Variants in TOP1MT observed in about 807,000 individuals in gnomAD.
TOP1MT encodes DNA topoisomerase I, mitochondrial.
In TOP1MT, 80 loss-of-function variants were observed where a neutral mutation model predicts 73.9. That is an observed-to-expected ratio of 1.08 (90% CI 0.90 to 1.30). The LOEUF (loss-of-function observed/expected upper bound fraction) is 1.30. Ranked by LOEUF, TOP1MT falls within the 50% of genes most tolerant of loss-of-function variation. TOP1MT has a pLI of 0.00. For synonymous variants in TOP1MT, 338 were observed against 326.4 expected (o/e 1.04, Z -0.38); for missense variants, 815 against 808.0 (o/e 1.01, Z -0.10).
rs1586752883 is a variant in TOP1MT, at chr8:143,318,049, T to C, written c.1184A>G (p.Asp395Gly). The C allele has an allele frequency of 1.9e-6, 3 of 1,613,536 alleles. No individual in the cohort carries two copies. The highest frequency in any genetic ancestry group is 2.5e-6 in the Non-Finnish European group (3 of 1,179,864). The change falls in exon 9 of 14, where the codon GAC becomes GGC. Residue 395 changes from aspartate to glycine, a missense_variant. Physicochemically the swap from Asp to Gly is moderately conservative, Grantham distance 94. Coordinates refer to ENST00000329245, the MANE Select transcript of TOP1MT (RefSeq NM_052963.3). ...KNLQLFMENK[D>G]PRDDLFDRLT... The stretch of plus-strand genomic sequence containing the variant: ...CCTGTCGAAGAGGTCGTCCCGGGGG[T>C]CCTTGTTCTCCATAAAGAGCTGTAA...
intron 12 of TOP1MT, 58 bp from the exon 13 acceptor site, chr8:143,310,275 A>T: frequency 7.4e-7 from 1 of 1,345,934 alleles, no homozygotes; most frequent in Non-Finnish European, 9.8e-7. Context: ...ACCTGAGGAG[A>T]CCTGCACTTC....
chr8:143,338,215 G>A (rs1817015743), upstream of TOP1MT, among the ~76,000 whole-genome samples: 1 of 152,090 alleles, frequency 6.6e-6, no homozygotes, highest in Non-Finnish European at 1.5e-5. Context: ...AGACTGCAGT[G>A]AGCTATGATC....
upstream of TOP1MT, among the ~76,000 whole-genome samples, chr8:143,337,719 T>C (rs1262356219): frequency 2.6e-5 from 4 of 152,192 alleles, no homozygotes; most frequent in Non-Finnish European, 5.9e-5. Flanking sequence ...TCATATTGTC[T>C]TCTGCCTAAT....
chr8:143,322,661 C>T (rs1816503423), intron 7 of TOP1MT, among the ~76,000 whole-genome samples: 1 of 125,248 alleles, frequency 8.0e-6, no homozygotes, highest in Non-Finnish European at 1.6e-5. Context: ...ACACCACACA[C>T]GCACGCCACA....
chr8:143,334,551 TG>T (rs1024672529), intron 1 of TOP1MT, among the ~76,000 whole-genome samples, 188 bp downstream of exon 1: 1 of 152,050 alleles, frequency 6.6e-6, no homozygotes, highest in African/African-American at 2.4e-5. Flanking sequence ...GGCGACGTCA[TG>T]GGGGGGCCTG....
intron 12 of TOP1MT, among the ~76,000 whole-genome samples, chr8:143,311,562 A>G (rs1033420001): frequency 6.6e-6 from 1 of 152,126 alleles, no homozygotes; most frequent in Admixed American, 6.5e-5. Context: ...CCTGGCTAAC[A>G]TGGTGAAACT....
chr8:143,321,548 AC>A (rs1816364941), intron 7 of TOP1MT, among the ~76,000 whole-genome samples, 162 bp from the exon 8 acceptor site: 1 of 116,890 alleles, frequency 8.6e-6, no homozygotes, highest in Non-Finnish European at 1.9e-5. Context: ...CGCACGCCAC[AC>A]ACGCACGCCA....
At chr8:143,359,720 G>A (rs1481305777), upstream of TOP1MT, among the ~76,000 whole-genome samples, 1 of 152,126 alleles carries the variant, frequency 6.6e-6, no homozygotes, top group Non-Finnish European at 1.5e-5. Context: ...CGTCGTGCGC[G>A]GAGGGGGAGG....
At position 143,323,725 on chromosome 8, in the gene TOP1MT, CA is replaced by C. The variant is rs1816617529; in HGVS notation, c.960+273del. 1.5e-4 allele frequency among the ~76,000 whole-genome samples: 8 copies of C among 51,932 alleles called. 3 individuals are homozygous for C. The highest frequency in any genetic ancestry group is 6.8e-4 in the Admixed American group (2 of 2,946). 34.1% of individuals were successfully genotyped at this position (51,932 alleles called of 152,430 possible). A position where few individuals can be genotyped will look rare whatever the true frequency, so the allele number is the denominator to read the frequency against. On this transcript the variant is annotated intron_variant, in intron 7 of 13. Coordinates refer to ENST00000329245, the MANE Select transcript of TOP1MT (RefSeq NM_052963.3). ...AGGCACACCACACACATGCACGCCA[CA>C]CACACATGCACGCCACACACATGCA...
chr8:143,358,646 A>G (rs1306075885), upstream of TOP1MT: 2 of 152,392 alleles, frequency 1.3e-5, no homozygotes, highest in African/African-American at 4.8e-5. Flanking sequence ...CCCATCACCT[A>G]TCTGCAACTG....
At chr8:143,342,553 TATTA>T (rs1401579591) in intron 2 of TOP1MT, among the ~76,000 whole-genome samples, 1 of 136,962 alleles carries the variant, frequency 7.3e-6, no homozygotes, top group Non-Finnish European at 1.6e-5. Flanking sequence ...TTATTATTAT[TATTA>T]GAGACAGAGT....
Position 143,329,477 on chromosome 8 carries a change from G to A in TOP1MT, c.239-6C>T. 6.2e-7 allele frequency: 1 copy of A among 1,606,962 alleles called. No homozygotes were observed. On this transcript the variant is annotated splice_region_variant and splice_polypyrimidine_tract_variant and intron_variant, in intron 2 of 13. Coordinates refer to ENST00000329245, the MANE Select transcript of TOP1MT (RefSeq NM_052963.3). ...GCTCAATCTCACAGGCCTTCCTGCA[G>A]GCATCGGAAGACACATCGTATGAGA...
At chr8:143,356,447 C>T (rs1817408875), upstream of TOP1MT, among the ~76,000 whole-genome samples, 1 of 152,228 alleles carries the variant, frequency 6.6e-6, no homozygotes, top group Admixed American at 6.5e-5. Context: ...TTAAATTTAT[C>T]TAAGTAAATG....
In TOP1MT at chr8:143,332,390, G is replaced by A. The variant is rs1816881693; in HGVS notation, c.123-1051C>T. 1.6e-5 allele frequency: 15 copies of A among 939,870 alleles called. No homozygotes were observed. The South Asian group carries it at 2.0e-4, about 13-fold the overall frequency. The allele number at this position is 939,870 out of a possible 1,614,324, so 58.2% of individuals were successfully genotyped here. A position where few individuals can be genotyped will look rare whatever the true frequency, so the allele number is the denominator to read the frequency against. On this transcript the variant is annotated intron_variant, in intron 1 of 13. Transcript: ENST00000329245. ...CAGTGGGAGAGGCTTTGGCGAGAGGGTGGGAGCACCATCAGGATGGGGGAG... is the reference window on the plus strand; with the variant it reads ...CAGTGGGAGAGGCTTTGGCGAGAGGATGGGAGCACCATCAGGATGGGGGAG...
intron 7 of TOP1MT, among the ~76,000 whole-genome samples, chr8:143,321,745 C>CAT (rs1816392028): frequency 3.1e-5 from 4 of 130,622 alleles, no homozygotes; most frequent in African/African-American, 5.8e-5. Flanking sequence ...ACGCCACACA[C>CAT]GCACGCCACA....
At chr8:143,343,587 T>C (rs950587505) in intron 1 of TOP1MT, 7 of 259,676 alleles carry the variant, frequency 2.7e-5, no homozygotes, top group African/African-American at 1.5e-4. Flanking sequence ...AAAAGGCAGC[T>C]CCCAGGTCCC....
chr8:143,322,643 C>CCA (rs148805123), intron 7 of TOP1MT, among the ~76,000 whole-genome samples: 51,219 of 54,768 alleles, frequency 0.94, 23,959 homozygotes, highest in Non-Finnish European at 0.95. Context: ...CACACACACG[C>CCA]CACACGCACA....
At chr8:143,319,854 A>T (rs1248227900) in intron 8 of TOP1MT, among the ~76,000 whole-genome samples, 1 of 151,208 alleles carries the variant, frequency 6.6e-6, no homozygotes, top group Non-Finnish European at 1.5e-5. Context: ...AGCCAGCCAC[A>T]GTGGCTCATG....
In TOP1MT at chr8:143,329,657, G is replaced by A. The variant is rs114453786; in HGVS notation, c.239-186C>T. On this transcript the variant is annotated intron_variant, in intron 2 of 13. Coordinates refer to ENST00000329245, the MANE Select transcript of TOP1MT (RefSeq NM_052963.3). ...ACGACAATCAACCTGCGTGGAGGTG[G>A]CGACCACAGTGATCTGGGAGCGGGT... Among the ~76,000 whole-genome samples the A allele has an allele frequency of 9.4e-3, 1,421 of 151,938 alleles. 26 individuals carry two copies. The highest frequency in any genetic ancestry group is 0.031 in the African/African-American group (1,290 of 41,462).
Sources: allele counts gnomAD v4.1 joint callset (sites outside exome capture counted in the v4.1 genomes callset), GRCh38; gene constraint gnomAD v4.1.1; transcripts MANE v1.5; gene names NCBI Gene and HGNC (gene_info 2026-07-23, HGNC 2026-07-21).